PPP3CA: variants seen among roughly 807,000 people sequenced by gnomAD.
PPP3CA encodes the protein CAM-PRP catalytic subunit.
In PPP3CA, 14 loss-of-function variants were observed where a neutral mutation model predicts 66.5. The observed-to-expected ratio is 0.21, with a 90% CI of 0.14 to 0.33. The LOEUF (loss-of-function observed/expected upper bound fraction) is 0.33. PPP3CA is among the 10% of genes least tolerant of loss of function. The probability of loss-of-function intolerance (pLI) is 1.00; values close to 1 mark genes in which losing one functional copy is unlikely to be tolerated. For synonymous variants in PPP3CA, 232 were observed against 226.2 expected (o/e 1.03, Z -0.23); for missense variants, 317 against 639.5 (o/e 0.50, Z 5.44).
intron 2 of PPP3CA, among the ~76,000 whole-genome samples, chr4:101,116,081 T>C (rs865984820): frequency 7.9e-5 from 12 of 152,044 alleles, no homozygotes; most frequent in Admixed American, 3.9e-4. Flanking sequence ...TATTTTTCTA[T>C]AAAGACCTTT....
intron 2 of PPP3CA, among the ~76,000 whole-genome samples, chr4:101,179,719 T>TG (rs1724175940): frequency 1.3e-5 from 2 of 152,178 alleles, no homozygotes; most frequent in African/African-American, 4.8e-5. Flanking sequence ...ACTTAATAAA[T>TG]ACAAATTCTA....
chr4:101,059,517 G>A (rs546564847), intron 10 of PPP3CA, among the ~76,000 whole-genome samples: 2 of 152,240 alleles, frequency 1.3e-5, no homozygotes, highest in East Asian at 3.9e-4. Flanking sequence ...CTATTTACAT[G>A]AGTGTATGAA....
rs201507463 is a variant in PPP3CA at position 101,118,956 on chromosome 4, ATTTTTT to A, written c.260-9884_260-9879del. On this transcript the variant is annotated intron_variant, in intron 2 of 13. Transcript: ENST00000394854. Reference sequence around the variant, plus strand: ...CTATAAGGAGACTCAGAACTTACAGATTTTTTTTTTTTTTTTTTTTTTTAAACAATG... The same window carrying A: ...CTATAAGGAGACTCAGAACTTACAGATTTTTTTTTTTTTTTTTAAACAATG... 4.6e-5 allele frequency among the ~76,000 whole-genome samples: 6 copies of A among 129,934 alleles called. No individual in the cohort carries two copies. In the East Asian group the frequency reaches 8.6e-4, roughly 19 times the overall value. 85.2% of individuals were successfully genotyped at this position (129,934 alleles called of 152,430 possible).
chr4:101,091,659 A>G (rs1729947926), intron 6 of PPP3CA, among the ~76,000 whole-genome samples: 1 of 151,884 alleles, frequency 6.6e-6, no homozygotes, highest in Admixed American at 6.6e-5. Context: ...CTAAATAGGC[A>G]TCAGATCAAC....
intron 12 of PPP3CA, among the ~76,000 whole-genome samples, chr4:101,030,537 T>A (rs2110203887): frequency 6.6e-6 from 1 of 152,318 alleles, no homozygotes; most frequent in African/African-American, 2.4e-5. Flanking sequence ...CTTTTATGTG[T>A]ATGTGTGTTT....
chr4:101,309,654 A>G (rs1375002040), intron 1 of PPP3CA, among the ~76,000 whole-genome samples: 1 of 152,158 alleles, frequency 6.6e-6, no homozygotes, highest in Non-Finnish European at 1.5e-5. Context: ...TCTGCCATGT[A>G]GGGCCCTGTG....
chr4:101,080,494 A>C, intron 8 of PPP3CA, 38 bp downstream of exon 8: 1 of 1,103,028 alleles, frequency 9.1e-7, no homozygotes, highest in Non-Finnish European at 1.3e-6. Context: ...TATTACACAT[A>C]TTATGTAAGA....
intron 10 of PPP3CA, 39 bp downstream of exon 10, chr4:101,061,048 C>T (rs1728440292): frequency 1.3e-6 from 2 of 1,530,274 alleles, no homozygotes; most frequent in Non-Finnish European, 1.8e-6. Context: ...AAGTAATTAT[C>T]TGGCAAATAG....
At chr4:101,318,495 T>C (rs1410598685) in intron 1 of PPP3CA, among the ~76,000 whole-genome samples, 4 of 152,206 alleles carry the variant, frequency 2.6e-5, no homozygotes, top group Non-Finnish European at 4.4e-5. Flanking sequence ...GGCATCATAC[T>C]TACCACCTAA....
rs527783386 is a variant in PPP3CA at position 101,039,546 on chromosome 4, C to T, written c.1241+936G>A. On this transcript the variant is annotated intron_variant, in intron 11 of 13. Coordinates refer to ENST00000394854, the MANE Select transcript of PPP3CA (RefSeq NM_000944.5). ...TGAATGTGCTGGCTACCACAGAGTT[C>T]TCACTGCCTTTGATGTGGTGTCTCT... Among the ~76,000 whole-genome samples, 456 of 144,358 alleles carry T rather than the reference C, an allele frequency of 3.2e-3. 48 individuals carry two copies. The highest frequency in any genetic ancestry group is 8.7e-4 in the Non-Finnish European group (56 of 64,432). The allele number at this position is 144,358 out of a possible 152,430, so 94.7% of individuals were successfully genotyped here.
chr4:101,285,302 A>G (rs961541515), intron 1 of PPP3CA, among the ~76,000 whole-genome samples: 3 of 152,190 alleles, frequency 2.0e-5, no homozygotes, highest in Admixed American at 6.5e-5. Context: ...AAGTAGTAGA[A>G]GAGGAGATTA....
At chr4:101,078,325 CAA>C (rs1318570011) in intron 8 of PPP3CA, among the ~76,000 whole-genome samples, 2 of 152,128 alleles carry the variant, frequency 1.3e-5, no homozygotes, top group Non-Finnish European at 2.9e-5. Context: ...CTCATCCAGT[CAA>C]AGAGATTAGC....
At chr4:101,324,220 GGAAA>G (rs1214255526) in intron 1 of PPP3CA, among the ~76,000 whole-genome samples, 3 of 141,998 alleles carry the variant, frequency 2.1e-5, no homozygotes, top group Non-Finnish European at 4.7e-5. Flanking sequence ...AAGGAAGGAA[GGAAA>G]GGAGGGAAGG....
rs1729703334 is a variant in PPP3CA at position 101,087,045 on chromosome 4, TTC to T, written c.783-3784_783-3783del. 2.0e-5 allele frequency among the ~76,000 whole-genome samples: 3 copies of T among 152,318 alleles called. No individual in the cohort carries two copies. The South Asian group carries it at 6.2e-4, about 32-fold the overall frequency. Reference sequence around the variant, plus strand: ...CAGTCTCTTTGGTGTCCTTCTCCTCTTCCAGATCCAGTAATAGGGAAGACCCT... The same window carrying T: ...CAGTCTCTTTGGTGTCCTTCTCCTCTCAGATCCAGTAATAGGGAAGACCCT... On this transcript the variant is annotated intron_variant, in intron 6 of 13. Transcript: ENST00000394854.
intron 3 of PPP3CA, among the ~76,000 whole-genome samples, chr4:101,107,083 CA>C (rs1222382520): frequency 2.6e-5 from 4 of 152,024 alleles, no homozygotes; most frequent in East Asian, 1.9e-4. Context: ...GCCCCAAGAA[CA>C]AAAAAACAAG....
At chr4:101,305,121 G>C (rs894045112) in intron 1 of PPP3CA, among the ~76,000 whole-genome samples, 5 of 152,158 alleles carry the variant, frequency 3.3e-5, no homozygotes. Context: ...TTCCCACATG[G>C]GCAAGAGTTT....
chr4:101,298,073 C>T (rs1023234754), intron 1 of PPP3CA, among the ~76,000 whole-genome samples: 6 of 152,020 alleles, frequency 3.9e-5, no homozygotes, highest in African/African-American at 1.5e-4. Flanking sequence ...CAATAAGTGA[C>T]TCCAGAGATT....
At chr4:101,221,296 A>G (rs1158424913) in intron 1 of PPP3CA, among the ~76,000 whole-genome samples, 1 of 151,656 alleles carries the variant, frequency 6.6e-6, no homozygotes, top group Non-Finnish European at 1.5e-5. Flanking sequence ...TATATGAAAT[A>G]TATAGTTGCC....
At chr4:101,185,912 C>T (rs1724395243) in intron 2 of PPP3CA, among the ~76,000 whole-genome samples, 1 of 152,132 alleles carries the variant, frequency 6.6e-6, no homozygotes, top group African/African-American at 2.4e-5. Flanking sequence ...ACATGGATAT[C>T]CAAAGAACAC....
Sources: allele counts gnomAD v4.1 joint callset (sites outside exome capture counted in the v4.1 genomes callset), GRCh38; gene constraint gnomAD v4.1.1; transcripts MANE v1.5; gene names NCBI Gene and HGNC (gene_info 2026-07-23, HGNC 2026-07-21).